Variants in FAM240C observed in about 807,000 individuals in gnomAD.
FAM240C encodes the protein family with sequence similarity 240 member C.
In FAM240C, 14 loss-of-function variants were observed where a neutral mutation model predicts 10.0. The ratio of observed to expected loss-of-function variants is 1.40; its 90% confidence interval spans 0.92 to 2.19. FAM240C has a LOEUF of 2.19. FAM240C is among the 30% of genes most tolerant of loss of function. FAM240C has a pLI of 0.00. For missense variants in FAM240C, 154 were observed against 122.3 expected, an observed-to-expected ratio of 1.26 and a Z score of -1.22; for synonymous variants, 49 against 44.3, an observed-to-expected ratio of 1.11 and a Z score of -0.42.
At chr2:241,899,747 GAGAACCAGCAAACCAGCAGACAGA>G (rs1233291138) in intron 1 of FAM240C, among the ~76,000 whole-genome samples, 1 of 152,168 alleles carries the variant, frequency 6.6e-6, no homozygotes, top group African/African-American at 2.4e-5. Flanking sequence ...CAGCAAAAGG[GAGAACCAGCAAACCAGCAGACAGA>G]AGAAACAGAC....
At chr2:241,896,517 T>TGTGGGTGTG (rs1701811174) in intron 2 of FAM240C, among the ~76,000 whole-genome samples, 1 of 69,558 alleles carries the variant, frequency 1.4e-5, no homozygotes. Context: ...GTGTGGGTGT[T>TGTGGGTGTG]GGGGTGTGGG....
At chr2:241,895,312 G>A (rs1195950545) in intron 2 of FAM240C, among the ~76,000 whole-genome samples, 1 of 152,250 alleles carries the variant, frequency 6.6e-6, no homozygotes, top group Admixed American at 6.5e-5. Flanking sequence ...CAGACTTGGC[G>A]CCTCCGGGCC....
At chr2:241,896,785 G>GTT (rs1268088937) in intron 2 of FAM240C, among the ~76,000 whole-genome samples, 5 of 39,110 alleles carry the variant, frequency 1.3e-4, no homozygotes, top group Admixed American at 3.2e-4. Context: ...TGTGGGTGAA[G>GTT]GGGGTGTGGG....
chr2:241,895,189 G>C (rs902643017), intron 2 of FAM240C, among the ~76,000 whole-genome samples: 20 of 152,248 alleles, frequency 1.3e-4, no homozygotes, highest in African/African-American at 4.8e-4. Context: ...TGGTCCCCGA[G>C]CAACAGCTAT....
chr2:241,895,567 C>T (rs959307873), intron 2 of FAM240C, among the ~76,000 whole-genome samples: 18 of 152,214 alleles, frequency 1.2e-4, no homozygotes, highest in African/African-American at 4.1e-4. Context: ...GGGCTTCATG[C>T]GGGGAGGAAA....
intron 1 of FAM240C, among the ~76,000 whole-genome samples, chr2:241,897,583 A>G (rs1439748845): frequency 6.6e-6 from 1 of 152,216 alleles, no homozygotes; most frequent in Non-Finnish European, 1.5e-5. Flanking sequence ...AGAAGTAGAA[A>G]TGGAGGGCAA....
intron 1 of FAM240C, among the ~76,000 whole-genome samples, chr2:241,898,613 AGC>A (rs1260638241): frequency 4.3e-5 from 3 of 70,432 alleles, no homozygotes; most frequent in Non-Finnish European, 8.1e-5. Context: ...CGACAGCAGC[AGC>A]CCCTTTTCTG....
In FAM240C at chr2:241,900,264, T is replaced by C; in HGVS notation, c.12+94A>G. 1.4e-6 allele frequency: 1 copy of C among 690,990 alleles called. No homozygotes were observed. Among genetic ancestry groups the C allele is most frequent in the East Asian group, 2.7e-5 (1 of 36,612 alleles). 42.8% of individuals were successfully genotyped at this position (690,990 alleles called of 1,614,324 possible). ...GGGTGGGCTCACGTCTTGTGCCAGA[T>C]ATGTCACATACTCTGTTCACCTTTT... is the stretch of plus-strand genomic sequence containing the variant. On this transcript the variant is annotated intron_variant, in intron 1 of 2. Coordinates refer to ENST00000404031, the MANE Select transcript of FAM240C (RefSeq NM_001382368.1). The surrounding 1 kb of genome is among the most constrained non-coding windows in gnomAD (Gnocchi z 4.5).
rs148585657 is a variant in FAM240C, at chr2:241,894,649, G to C, written c.162-310C>G. Among the ~76,000 whole-genome samples the C allele has an allele frequency of 1.6e-3, 240 of 151,766 alleles. 4 individuals are homozygous for C. In the East Asian group the frequency reaches 0.033, roughly 21 times the overall value. On this transcript the variant is annotated intron_variant, in intron 2 of 2. Coordinates refer to ENST00000404031, the MANE Select transcript of FAM240C (RefSeq NM_001382368.1). ...AATGCCTTCCCCGGGAAGCAGCCTG[G>C]GTCCCCAGTTCTGGAAGCTTCTGAG...
At chr2:241,902,009 A>C (rs1476138068), upstream of FAM240C, among the ~76,000 whole-genome samples, 1 of 152,230 alleles carries the variant, frequency 6.6e-6, no homozygotes, top group Non-Finnish European at 1.5e-5. This position sits in a 1 kb window ranked among gnomAD's most constrained non-coding sequence, Gnocchi z 7.1. Context: ...ATGGAGCAGC[A>C]AGGCGGCAGG....
At chr2:241,901,980 A>AC (rs1701993445), upstream of FAM240C, among the ~76,000 whole-genome samples, 1 of 152,130 alleles carries the variant, frequency 6.6e-6, no homozygotes, top group South Asian at 2.1e-4. This position sits in a 1 kb window ranked among gnomAD's most constrained non-coding sequence, Gnocchi z 4.9. Context: ...GCAGGGCGCC[A>AC]CCGTGCTGGC....
At chr2:241,895,680 G>A (rs900544048) in intron 2 of FAM240C, among the ~76,000 whole-genome samples, 11 of 152,214 alleles carry the variant, frequency 7.2e-5, no homozygotes, top group Non-Finnish European at 1.0e-4. Flanking sequence ...GATGGAGGGG[G>A]GTTGTGCAAA....
intron 2 of FAM240C, among the ~76,000 whole-genome samples, chr2:241,896,945 G>C (rs561522405): frequency 3.8e-4 from 58 of 151,924 alleles, no homozygotes; most frequent in Non-Finnish European, 7.4e-4. Flanking sequence ...CTGGTCTCAC[G>C]GTTAGCAACG....
upstream of FAM240C, among the ~76,000 whole-genome samples, chr2:241,900,658 C>T (rs369234209): frequency 1.9e-4 from 29 of 152,252 alleles, 1 homozygote; most frequent in East Asian, 5.0e-3. This position sits in a 1 kb window ranked among gnomAD's most constrained non-coding sequence, Gnocchi z 4.5. Context: ...CTTCTTTCGA[C>T]GGCTGCTCCC....
chr2:241,894,732 A>G (rs1701750330), intron 2 of FAM240C, among the ~76,000 whole-genome samples: 1 of 152,210 alleles, frequency 6.6e-6, no homozygotes. Context: ...TGCTCTGCTC[A>G]CGGAGAGGCA....
chr2:241,896,510 TGGG>T (rs1701810695), intron 2 of FAM240C, among the ~76,000 whole-genome samples: 2 of 113,490 alleles, frequency 1.8e-5, no homozygotes, highest in Non-Finnish European at 3.8e-5. Context: ...GAAGGGGGTG[TGGG>T]TGTTGGGGTG....
At position 241,894,025 on chromosome 2, in the gene FAM240C, G is replaced by A. The variant is rs986398709; in HGVS notation, c.*188C>T. 2 of 521,698 alleles carry A rather than the reference G, an allele frequency of 3.8e-6. No homozygotes were observed. Among genetic ancestry groups the A allele is most frequent in the Admixed American group, 3.3e-5 (1 of 30,380 alleles). 32.3% of individuals were successfully genotyped at this position (521,698 alleles called of 1,614,324 possible). On this transcript the variant is annotated 3_prime_UTR_variant, in exon 3 of 3. Transcript: ENST00000404031. ...AGGTTTTATTGGGCACCAGAGATGC[G>A]CTAGAGAACCCTGGGACTCTGCTGC...
In FAM240C at chr2:241,900,041, T is replaced by C. The variant is rs1701944141; in HGVS notation, c.12+317A>G. 6.6e-6 allele frequency among the ~76,000 whole-genome samples: 1 copy of C among 152,112 alleles called. No homozygotes were observed. The highest frequency in any genetic ancestry group is 2.1e-4 in the South Asian group (1 of 4,816). On this transcript the variant is annotated intron_variant, in intron 1 of 2. Transcript: ENST00000404031. This position sits in a 1 kb window ranked among gnomAD's most constrained non-coding sequence, Gnocchi z 4.5. ...GCGATCATGCCACTGCACTCCAGCC[T>C]GGGCGACAGAGCGAGACTCCATCTC...
At position 241,897,297 on chromosome 2, in the gene FAM240C, C is replaced by A. The variant is rs1559469023; in HGVS notation, c.50G>T (p.Arg17Ile). The A allele has an allele frequency of 6.5e-7, 1 of 1,549,786 alleles. No homozygotes were observed. The highest frequency in any genetic ancestry group is 8.7e-7 in the Non-Finnish European group (1 of 1,146,494). ...TATCCCGCCTGAATCGTATGCTACT[C>A]TTCCAGGATTCTTAAGAGTGAGGCT... ...SKSLTLKNPG[R>I]VAYDSGGIKM... The change falls in exon 2 of 3, where the codon AGA becomes ATA. Residue 17 changes from arginine (R) to isoleucine (I), a missense_variant. Transcript: ENST00000404031.
Sources: gnomAD v4.1 joint callset for allele counts (sites outside exome capture counted in the v4.1 genomes callset) on GRCh38, gnomAD v4.1.1 for gene constraint, Gnocchi (gnomAD v3.1) non-coding constraint, MANE v1.5 for transcripts, NCBI Gene and HGNC (gene_info 2026-07-23, HGNC 2026-07-21) for gene names.